SPAG16: variants seen among roughly 807,000 people sequenced by gnomAD.
SPAG16 encodes sperm-associated antigen 16 protein.
SPAG16 carries 86 observed loss-of-function variants against 80.4 expected under a neutral mutation model. That is an observed-to-expected ratio of 1.07 (90% CI 0.90 to 1.28). The LOEUF (loss-of-function observed/expected upper bound fraction) is 1.28. Among genes scored for constraint, SPAG16 ranks in the 50% most tolerant of loss-of-function variants. The probability of loss-of-function intolerance (pLI) is 0.00; values close to 1 mark genes in which losing one functional copy is unlikely to be tolerated. For missense variants in SPAG16, 870 were observed against 765.3 expected, an observed-to-expected ratio of 1.14 and a Z score of -1.61; for synonymous variants, 294 against 265.9, an observed-to-expected ratio of 1.11 and a Z score of -1.03.
intron 15 of SPAG16, among the ~76,000 whole-genome samples, chr2:214,277,750 G>A (rs1053500454): frequency 6.6e-6 from 1 of 152,204 alleles, no homozygotes; most frequent in African/African-American, 2.4e-5. Flanking sequence ...TCCCAGTTAG[G>A]CTACACAGGG....
At chr2:213,492,193 C>T (rs1273406317) in intron 10 of SPAG16, among the ~76,000 whole-genome samples, 1 of 151,436 alleles carries the variant, frequency 6.6e-6, no homozygotes, top group Non-Finnish European at 1.5e-5. Flanking sequence ...CTTAACTAGA[C>T]ATAATATAAA....
At chr2:213,542,294 T>C (rs2076472761) in intron 10 of SPAG16, among the ~76,000 whole-genome samples, 2 of 152,196 alleles carry the variant, frequency 1.3e-5, no homozygotes, top group African/African-American at 2.4e-5. Context: ...GAAACCTAGC[T>C]AATATAATTA....
At chr2:213,435,635 C>G (rs1575584558) in intron 9 of SPAG16, among the ~76,000 whole-genome samples, 1 of 152,048 alleles carries the variant, frequency 6.6e-6, no homozygotes, top group Middle Eastern at 3.2e-3. Context: ...ACCAATTATT[C>G]TCTTTAGTTA....
chr2:213,946,323 C>A (rs2079464626), intron 12 of SPAG16, among the ~76,000 whole-genome samples: 50 of 152,130 alleles, frequency 3.3e-4, no homozygotes, highest in African/African-American at 9.2e-4. Context: ...CCATATTGGC[C>A]AGGCTGGTCT....
At chr2:213,698,544 G>A (rs962262992) in intron 10 of SPAG16, among the ~76,000 whole-genome samples, 5 of 152,206 alleles carry the variant, frequency 3.3e-5, no homozygotes, top group African/African-American at 1.2e-4. Context: ...TCATAGGCGT[G>A]AGCCATTGTG....
intron 9 of SPAG16, among the ~76,000 whole-genome samples, chr2:213,475,312 A>C (rs560770773): frequency 5.9e-5 from 9 of 152,264 alleles, no homozygotes; most frequent in Non-Finnish European, 1.0e-4. Flanking sequence ...GGCATTTTCT[A>C]TAGGGGCATG....
chr2:213,407,984 G>GAT (rs759031952), intron 9 of SPAG16, among the ~76,000 whole-genome samples: 1 of 135,986 alleles, frequency 7.4e-6, no homozygotes. Flanking sequence ...AGGAGAGAGA[G>GAT]AGGAGAGAGG....
chr2:213,715,257 T>TATCTATCTATCTATCTATC (rs1471220174), intron 10 of SPAG16, among the ~76,000 whole-genome samples: 6 of 151,012 alleles, frequency 4.0e-5, no homozygotes, highest in Non-Finnish European at 4.4e-5. Flanking sequence ...TCTATCTATC[T>TATCTATCTATCTATCTATC]ATCTATCTAT....
intron 15 of SPAG16, among the ~76,000 whole-genome samples, chr2:214,308,483 C>T (rs984697023): frequency 3.3e-5 from 5 of 152,048 alleles, no homozygotes. Flanking sequence ...TATAGTGTCA[C>T]TGGTCTGTGT....
chr2:213,983,710 T>C (rs988179870), intron 12 of SPAG16, among the ~76,000 whole-genome samples: 17 of 152,030 alleles, frequency 1.1e-4, no homozygotes, highest in Admixed American at 3.9e-4. Context: ...CAAAATTTTA[T>C]AGTGTTCATT....
chr2:213,803,141 G>T (rs2071523917), intron 10 of SPAG16, among the ~76,000 whole-genome samples: 2 of 152,110 alleles, frequency 1.3e-5, no homozygotes, highest in South Asian at 2.1e-4. Flanking sequence ...TCCAAGAAAT[G>T]TATGTATCCT....
At chr2:214,080,208 G>C (rs1231503075) in intron 13 of SPAG16, among the ~76,000 whole-genome samples, 3 of 152,118 alleles carry the variant, frequency 2.0e-5, no homozygotes, top group Non-Finnish European at 4.4e-5. Context: ...CTGAAGACTT[G>C]AGACATTAAA....
In SPAG16 at chr2:213,350,634, G is replaced by A; in HGVS notation, c.751G>A (p.Val251Ile). ...GCTGACCTCCTTGGAAAGAGACAAA[G>A]TAGTTGGGCAGGTAAAGATATAGTC... ...KMLTSLERDK[V>I]VGQISGLQET... The change falls in exon 7 of 16, where the codon GTA (valine) becomes ATA (isoleucine). Residue 251 changes from valine (V) to isoleucine (I), a missense_variant. Transcript: ENST00000331683. The A allele has an allele frequency of 6.3e-7, 1 of 1,583,496 alleles. No individual in the cohort carries two copies. Among genetic ancestry groups the A allele is most frequent in the Non-Finnish European group, 8.6e-7 (1 of 1,167,768 alleles).
At chr2:214,276,866 G>A (rs1422776588) in intron 15 of SPAG16, among the ~76,000 whole-genome samples, 1 of 151,974 alleles carries the variant, frequency 6.6e-6, no homozygotes, top group Non-Finnish European at 1.5e-5. Flanking sequence ...AGTTCTCCTG[G>A]ATAATATCCT....
chr2:213,534,492 C>T (rs566239303), intron 10 of SPAG16, among the ~76,000 whole-genome samples: 6 of 152,054 alleles, frequency 3.9e-5, no homozygotes, highest in East Asian at 1.9e-4. Flanking sequence ...TCTAAATTTA[C>T]GTCAAAAAGA....
In SPAG16 at chr2:214,298,147, CACACACACATAT is replaced by C. The variant is rs1173376782; in HGVS notation, c.1721-111983_1721-111972del. Among the ~76,000 whole-genome samples the C allele has an allele frequency of 9.3e-4, 10 of 10,726 alleles. No individual in the cohort carries two copies. The East Asian group carries it at 0.052, about 55-fold the overall frequency. 7.0% of individuals were successfully genotyped at this position (10,726 alleles called of 152,430 possible). Reference sequence around the variant, plus strand: ...ACACACACACACATACACATACACACACACACACATATACACACACACACACACATATATATA... The same window carrying C: ...ACACACACACACATACACATACACACACACACACACACACACATATATATA... On this transcript the variant is annotated intron_variant, in intron 15 of 15. Coordinates refer to ENST00000331683, the MANE Select transcript of SPAG16 (RefSeq NM_024532.5).
At chr2:213,520,247 C>G (rs2075608514) in intron 10 of SPAG16, among the ~76,000 whole-genome samples, 1 of 152,054 alleles carries the variant, frequency 6.6e-6, no homozygotes, top group Admixed American at 6.6e-5. Context: ...AAGGAATATG[C>G]TGTGCTCGTA....
At chr2:213,456,100 C>A (rs777575356) in intron 9 of SPAG16, among the ~76,000 whole-genome samples, 2 of 152,138 alleles carry the variant, frequency 1.3e-5, no homozygotes, top group East Asian at 3.8e-4. Context: ...CCAGACTTGG[C>A]GTGTGGTTAC....
chr2:213,651,553 G>A (rs2063024658), intron 10 of SPAG16, among the ~76,000 whole-genome samples: 1 of 152,112 alleles, frequency 6.6e-6, no homozygotes, highest in Admixed American at 6.5e-5. Flanking sequence ...TGAGTGACAT[G>A]TATTAACAAC....
Sources: gnomAD v4.1 joint callset for allele counts (sites outside exome capture counted in the v4.1 genomes callset) on GRCh38, gnomAD v4.1.1 for gene constraint, MANE v1.5 for transcripts, NCBI Gene and HGNC (gene_info 2026-07-23, HGNC 2026-07-21) for gene names.